Variants in TMEM108 observed in about 807,000 individuals in gnomAD.
The protein encoded by TMEM108 is transmembrane protein 108.
Under a neutral mutation model 35.1 loss-of-function variants are expected in TMEM108, and 12 were observed. The observed-to-expected ratio is 0.34, with a 90% CI of 0.22 to 0.55. The LOEUF (loss-of-function observed/expected upper bound fraction) is 0.55. Ranked by LOEUF, TMEM108 falls within the 20% of genes least tolerant of loss-of-function variation. TMEM108 has a pLI of 0.89. For missense variants in TMEM108, 680 were observed against 753.3 expected (o/e 0.90, Z 1.14); for synonymous variants, 287 against 308.6 (o/e 0.93, Z 0.73).
At chr3:133,345,186 A>G (rs2071778960) in intron 3 of TMEM108, among the ~76,000 whole-genome samples, 1 of 151,844 alleles carries the variant, frequency 6.6e-6, no homozygotes, top group African/African-American at 2.4e-5. Flanking sequence ...AGATACAGCA[A>G]TCTGAAACAG....
chr3:133,229,960 C>T (rs917576686), intron 3 of TMEM108, among the ~76,000 whole-genome samples: 2 of 152,116 alleles, frequency 1.3e-5, no homozygotes, highest in African/African-American at 4.8e-5. Flanking sequence ...CACAAAGCAC[C>T]AATTGCCATG....
chr3:133,065,977 A>G (rs1943601941), intron 2 of TMEM108, among the ~76,000 whole-genome samples: 2 of 152,206 alleles, frequency 1.3e-5, no homozygotes, highest in African/African-American at 4.8e-5. Flanking sequence ...CAACCACAAT[A>G]GCTACATAAG....
In TMEM108 at chr3:133,368,117, G is replaced by A. The variant is rs1201410592; in HGVS notation, c.41-11635G>A. ...CAAAGGTCCTGTTATGCTCTCTGAC[G>A]AGTGCACTGGACCAGACCCCAAGCC... On this transcript the variant is annotated intron_variant, in intron 3 of 5. Transcript: ENST00000321871. 4.6e-5 allele frequency among the ~76,000 whole-genome samples: 7 copies of A among 152,132 alleles called. No homozygotes were observed. In the East Asian group the frequency reaches 7.7e-4, roughly 17 times the overall value.
At chr3:133,090,720 G>A (rs748658040) in intron 2 of TMEM108, among the ~76,000 whole-genome samples, 7 of 151,846 alleles carry the variant, frequency 4.6e-5, no homozygotes, top group East Asian at 1.9e-4. Context: ...TTTTCCTTCC[G>A]GTATAATTTA....
At chr3:133,057,716 A>G (rs1415765730) in intron 2 of TMEM108, among the ~76,000 whole-genome samples, 1 of 152,094 alleles carries the variant, frequency 6.6e-6, no homozygotes, top group African/African-American at 2.4e-5. Flanking sequence ...AAAATCTATC[A>G]GTATATTCTT....
At chr3:133,333,323 T>C (rs938011451) in intron 3 of TMEM108, among the ~76,000 whole-genome samples, 1 of 152,156 alleles carries the variant, frequency 6.6e-6, no homozygotes, top group East Asian at 1.9e-4. Flanking sequence ...ATCAGACTAC[T>C]TTTTTCACCT....
intron 4 of TMEM108, among the ~76,000 whole-genome samples, chr3:133,383,092 A>G (rs1022410393): frequency 2.0e-5 from 3 of 152,270 alleles, no homozygotes; most frequent in Admixed American, 1.3e-4. Context: ...ATGTAGCCCT[A>G]TTAGCCAATG....
chr3:133,304,348 G>A (rs1947271981), intron 3 of TMEM108, among the ~76,000 whole-genome samples: 1 of 152,052 alleles, frequency 6.6e-6, no homozygotes. Flanking sequence ...AACAGCTTTA[G>A]TTAAGTATTT....
chr3:133,192,445 G>A (rs1456420139), intron 2 of TMEM108, among the ~76,000 whole-genome samples: 1 of 152,110 alleles, frequency 6.6e-6, no homozygotes, highest in Non-Finnish European at 1.5e-5. Context: ...TGCCTAGGGA[G>A]AGTGTTTAGA....
At chr3:133,356,312 G>A (rs888479956) in intron 3 of TMEM108, among the ~76,000 whole-genome samples, 2 of 152,064 alleles carry the variant, frequency 1.3e-5, no homozygotes, top group Non-Finnish European at 2.9e-5. Context: ...ACTGCTGAAA[G>A]AAATGACACA....
At chr3:133,193,938 C>CTTTTT (rs34225124) in intron 2 of TMEM108, among the ~76,000 whole-genome samples, 2 of 139,640 alleles carry the variant, frequency 1.4e-5, no homozygotes. Flanking sequence ...AACATTGATT[C>CTTTTT]TTTTTTTTTT....
chr3:133,390,071 C>A (rs1305338935), intron 4 of TMEM108, 109 bp from the exon 5 acceptor site: 1 of 1,373,390 alleles, frequency 7.3e-7, no homozygotes, highest in African/African-American at 1.4e-5. Flanking sequence ...GCCCCTTTTC[C>A]CACCATACAC....
intron 3 of TMEM108, among the ~76,000 whole-genome samples, chr3:133,360,514 A>C (rs1172161666): frequency 6.6e-6 from 1 of 152,314 alleles, no homozygotes. Context: ...GAACTCCCAG[A>C]GAAATACAAA....
intron 2 of TMEM108, among the ~76,000 whole-genome samples, chr3:133,076,826 C>G (rs946327891): frequency 6.6e-6 from 1 of 152,182 alleles, no homozygotes; most frequent in Admixed American, 6.5e-5. Context: ...CTTTGGGTTG[C>G]GCCACCTTTA....
At chr3:133,284,849 T>A (rs1400277007) in intron 3 of TMEM108, among the ~76,000 whole-genome samples, 1 of 152,244 alleles carries the variant, frequency 6.6e-6, no homozygotes, top group Non-Finnish European at 1.5e-5. Flanking sequence ...TTGTGCTACA[T>A]CCTGGATTAA....
At chr3:133,207,274 C>T (rs769803063) in intron 2 of TMEM108, among the ~76,000 whole-genome samples, 5 of 152,052 alleles carry the variant, frequency 3.3e-5, no homozygotes, top group Admixed American at 6.5e-5. Context: ...GGTGAGGTGA[C>T]GCCCCACCCT....
At chr3:133,340,497 A>G (rs769596530) in intron 3 of TMEM108, among the ~76,000 whole-genome samples, 3 of 151,762 alleles carry the variant, frequency 2.0e-5, no homozygotes, top group Non-Finnish European at 4.4e-5. Context: ...TTTAAAGAAC[A>G]ACTAATACCA....
chr3:133,239,529 A>G (rs1946284390), intron 3 of TMEM108, among the ~76,000 whole-genome samples: 1 of 152,174 alleles, frequency 6.6e-6, no homozygotes, highest in Admixed American at 6.5e-5. Context: ...CTGATGCGCA[A>G]CCAGGGCTGG....
At chr3:133,190,333 G>C (rs1945480466) in intron 2 of TMEM108, among the ~76,000 whole-genome samples, 1 of 152,102 alleles carries the variant, frequency 6.6e-6, no homozygotes, top group Non-Finnish European at 1.5e-5. Context: ...ACAATACTTA[G>C]ACCATGCAAG....
Sources: allele counts gnomAD v4.1 joint callset (sites outside exome capture counted in the v4.1 genomes callset), GRCh38; gene constraint gnomAD v4.1.1; transcripts MANE v1.5; gene names NCBI Gene and HGNC (gene_info 2026-07-23, HGNC 2026-07-21).